Variants in ABI1 observed in about 807,000 individuals in gnomAD.
The protein encoded by ABI1 is abl interactor 1, also known as Abelson interactor 1.
Under a neutral mutation model 54.6 loss-of-function variants are expected in ABI1, and 14 were observed. The observed-to-expected ratio is 0.26, with a 90% CI of 0.17 to 0.40. ABI1 has a LOEUF of 0.40. Ranked by LOEUF, ABI1 falls within the 10% of genes least tolerant of loss-of-function variation. The pLI is 1.00. For synonymous variants in ABI1, 194 were observed against 209.3 expected (o/e 0.93, Z 0.63); for missense variants, 443 against 598.3 (o/e 0.74, Z 2.71).
At chr10:26,802,181 G>A (rs2046607881) in intron 2 of ABI1, among the ~76,000 whole-genome samples, 1 of 152,218 alleles carries the variant, frequency 6.6e-6, no homozygotes, top group Admixed American at 6.5e-5. Flanking sequence ...AGTCTAAGAA[G>A]AGTTAGGACA....
chr10:26,747,720 C>T lies in ABI1; in HGVS notation c.*850G>A, dbSNP rs1441360313. On this transcript the variant is annotated 3_prime_UTR_variant, in exon 11 of 11. Transcript: ENST00000376140. ...TAAATAACCATTGCAGATTTTGAATCTGCAAAAATCCGTCACATTGCTGTT... is the reference window on the plus strand; with the variant it reads ...TAAATAACCATTGCAGATTTTGAATTTGCAAAAATCCGTCACATTGCTGTT... 5.1e-6 allele frequency: 1 copy of T among 196,448 alleles called. No individual in the cohort carries two copies. Among genetic ancestry groups the T allele is most frequent in the African/African-American group, 2.3e-5 (1 of 43,212 alleles). 12.2% of individuals were successfully genotyped at this position (196,448 alleles called of 1,614,324 possible).
intron 2 of ABI1, among the ~76,000 whole-genome samples, chr10:26,797,934 G>A (rs1844400244): frequency 6.6e-6 from 1 of 152,128 alleles, no homozygotes; most frequent in Non-Finnish European, 1.5e-5. Context: ...TATAAGCAAT[G>A]CCAACTAGAG....
intron 3 of ABI1, among the ~76,000 whole-genome samples, chr10:26,775,189 T>A (rs976192033): frequency 6.6e-6 from 1 of 152,062 alleles, no homozygotes; most frequent in African/African-American, 2.4e-5. Context: ...CCAACAATGA[T>A]CCTTTAGAGA....
intron 1 of ABI1, among the ~76,000 whole-genome samples, chr10:26,841,137 A>G (rs1364367791): frequency 6.6e-6 from 1 of 152,224 alleles, no homozygotes; most frequent in Non-Finnish European, 1.5e-5. Flanking sequence ...TGCAAAGCCT[A>G]AAATATTTAC....
chr10:26,790,610 G>C (rs942817464), intron 2 of ABI1: 2 of 151,882 alleles, frequency 1.3e-5, no homozygotes, highest in Non-Finnish European at 2.9e-5. Flanking sequence ...TCTCTGTATT[G>C]TTCCAATTTT....
chr10:26,796,039 T>G (rs1844113364), intron 2 of ABI1, among the ~76,000 whole-genome samples: 1 of 151,714 alleles, frequency 6.6e-6, no homozygotes, highest in African/African-American at 2.4e-5. Context: ...CAATGAGCCA[T>G]GATTGTGTCA....
intron 1 of ABI1, among the ~76,000 whole-genome samples, chr10:26,829,037 T>C (rs1696488863): frequency 6.6e-6 from 1 of 151,538 alleles, no homozygotes; most frequent in Non-Finnish European, 1.5e-5. Flanking sequence ...CCATCCTGGC[T>C]AACACGGTGA....
At chr10:26,789,794 C>T (rs957707350) in intron 2 of ABI1, among the ~76,000 whole-genome samples, 2 of 152,120 alleles carry the variant, frequency 1.3e-5, no homozygotes, top group Non-Finnish European at 2.9e-5. Flanking sequence ...TTTCACCCTC[C>T]AGTAGGCCCC....
At chr10:26,814,647 G>A (rs2133629064) in intron 2 of ABI1, among the ~76,000 whole-genome samples, 1 of 152,222 alleles carries the variant, frequency 6.6e-6, no homozygotes, top group Non-Finnish European at 1.5e-5. Context: ...AAAATAAGAA[G>A]TGAATATTGG....
chr10:26,844,088 A>T (rs1049488703), intron 1 of ABI1, among the ~76,000 whole-genome samples: 1 of 152,220 alleles, frequency 6.6e-6, no homozygotes, highest in Admixed American at 6.5e-5. Context: ...TAGTGACAGC[A>T]GTTCAAGTAT....
intron 7 of ABI1, among the ~76,000 whole-genome samples, chr10:26,762,622 A>C (rs1015770848): frequency 1.3e-5 from 2 of 152,220 alleles, no homozygotes; most frequent in Non-Finnish European, 2.9e-5. Flanking sequence ...ACAAGTACAC[A>C]TTTCATTAGG....
At chr10:26,796,512 T>C (rs892813404) in intron 2 of ABI1, among the ~76,000 whole-genome samples, 1 of 152,172 alleles carries the variant, frequency 6.6e-6, no homozygotes, top group African/African-American at 2.4e-5. Flanking sequence ...AGGTATACAG[T>C]AGGCTGTACT....
In ABI1 at chr10:26,835,102, A is replaced by AC. The variant is rs1564561403; in HGVS notation, c.118-11798_118-11797insG. ...AGATTCTACCTCAAAAAAAAAAAAAAAAAAAAAAAAAAACCCACAATGCAA... is the reference window on the plus strand; with the variant it reads ...AGATTCTACCTCAAAAAAAAAAAAAACAAAAAAAAAAAAACCCACAATGCAA... On this transcript the variant is annotated intron_variant, in intron 1 of 10. Transcript: ENST00000376140. Among the ~76,000 whole-genome samples the AC allele has an allele frequency of 2.8e-3, 349 of 125,268 alleles. 4 individuals are homozygous for AC. The highest frequency in any genetic ancestry group is 0.013 in the Middle Eastern group (3 of 232). 82.2% of individuals were successfully genotyped at this position (125,268 alleles called of 152,430 possible).
chr10:26,822,488 A>C (rs2048044840), intron 2 of ABI1, among the ~76,000 whole-genome samples: 2 of 152,238 alleles, frequency 1.3e-5, no homozygotes, highest in Admixed American at 1.3e-4. Flanking sequence ...TGAACACATA[A>C]ACAAAATGTG....
chr10:26,812,292 A>T (rs896421788), intron 2 of ABI1, among the ~76,000 whole-genome samples: 14 of 152,162 alleles, frequency 9.2e-5, no homozygotes, highest in African/African-American at 2.9e-4. Flanking sequence ...TCATCTTAGA[A>T]ATACTAGATG....
intron 2 of ABI1, among the ~76,000 whole-genome samples, chr10:26,790,932 A>G (rs561185445): frequency 6.6e-6 from 1 of 152,122 alleles, no homozygotes; most frequent in East Asian, 1.9e-4. Context: ...TTTGCTGGGC[A>G]TGGTGGCACA....
chr10:26,789,122 C>T (rs1264504845), intron 2 of ABI1: 6 of 152,022 alleles, frequency 3.9e-5, no homozygotes, highest in African/African-American at 7.2e-5. Context: ...TGCAGCTTCC[C>T]GTCTGCCAGT....
Position 26,746,842 on chromosome 10 carries a change from T to TGAA in ABI1, c.*1725_*1727dup, listed in dbSNP as rs1836975709. 2 of 368,550 alleles carry TGAA rather than the reference T, an allele frequency of 5.4e-6. No homozygotes were observed. Among genetic ancestry groups the TGAA allele is most frequent in the African/African-American group, 4.1e-5 (2 of 48,808 alleles). 22.8% of individuals were successfully genotyped at this position (368,550 alleles called of 1,614,324 possible). A position where few individuals can be genotyped will look rare whatever the true frequency, so the allele number is the denominator to read the frequency against. On this transcript the variant is annotated 3_prime_UTR_variant, in exon 11 of 11. Coordinates refer to ENST00000376140, the MANE Select transcript of ABI1 (RefSeq NM_001012750.3). Reference sequence around the variant, plus strand: ...CGTAGGAGTAAAGGTCAGAAAAATGTGAAGTCTGCATTGAAGTCCACATGA... The same window carrying TGAA: ...CGTAGGAGTAAAGGTCAGAAAAATGTGAAGAAGTCTGCATTGAAGTCCACATGA...
At chr10:26,847,468 A>G (rs1038237067) in intron 1 of ABI1, among the ~76,000 whole-genome samples, 3 of 152,074 alleles carry the variant, frequency 2.0e-5, no homozygotes, top group Non-Finnish European at 2.9e-5. Context: ...ACAAAAAAAT[A>G]ACAAAAATTA....
Sources: gnomAD v4.1 joint callset for allele counts (sites outside exome capture counted in the v4.1 genomes callset) on GRCh38, gnomAD v4.1.1 for gene constraint, MANE v1.5 for transcripts, NCBI Gene and HGNC (gene_info 2026-07-23, HGNC 2026-07-21) for gene names.